Variants in MYOM2 observed in about 807,000 individuals in gnomAD.
MYOM2 encodes the protein myomesin 2, also known as myomesin-2.
MYOM2 carries 254 observed loss-of-function variants against 187.6 expected under a neutral mutation model. The observed-to-expected ratio is 1.35, with a 90% CI of 1.22 to 1.50. MYOM2 has a LOEUF of 1.50. Among genes scored for constraint, MYOM2 ranks in the 40% most tolerant of loss-of-function variants. MYOM2 has a pLI of 0.00. For synonymous variants in MYOM2, 981 were observed against 753.8 expected (o/e 1.30, Z -4.94); for missense variants, 2,796 against 1,924.0 (o/e 1.45, Z -8.48).
At chr8:2,077,287 C>A (rs1204282177) in intron 11 of MYOM2, among the ~76,000 whole-genome samples, 1 of 151,352 alleles carries the variant, frequency 6.6e-6, no homozygotes, top group East Asian at 1.9e-4. Flanking sequence ...TCCAGCCTGG[C>A]AACACAGTGA....
At position 2,123,390 on chromosome 8, in the gene MYOM2, A is replaced by ACG. The variant is rs10656435; in HGVS notation, c.3567+25_3567+26insCG. On this transcript the variant is annotated intron_variant, in intron 29 of 36. Transcript: ENST00000262113. ...GGTATCAGGCATTGAGTAACACAAG[A>ACG]AAGCAAAACAAAAACGGCACTTTCA... 1.7e-3 allele frequency: 2,633 copies of ACG among 1,560,524 alleles called. 39 individuals carry two copies. The African/African-American group carries it at 0.03, about 18-fold the overall frequency.
chr8:2,072,549 G>A (rs767606572), intron 9 of MYOM2, 40 bp downstream of exon 9: 65 of 1,590,100 alleles, frequency 4.1e-5, no homozygotes, highest in Non-Finnish European at 5.2e-5. Context: ...CACACCAGGA[G>A]GCTTTTGGAC....
rs1415504134 is a variant in MYOM2, at chr8:2,086,241, G to A, written c.1644+851G>A. Among the ~76,000 whole-genome samples, 35 of 57,854 alleles carry A rather than the reference G, an allele frequency of 6.0e-4. 10 individuals carry two copies. In the East Asian group the frequency reaches 8.3e-3, roughly 14 times the overall value. The allele number at this position is 57,854 out of a possible 152,430, so 38.0% of individuals were successfully genotyped here. On this transcript the variant is annotated intron_variant, in intron 14 of 36. Transcript: ENST00000262113. Reference sequence around the variant, plus strand: ...GATCTCTTTGTGGCCCCCCACTGTTGTGATCTTTGCGTGGCCCCACTGTCA... The same window carrying A: ...GATCTCTTTGTGGCCCCCCACTGTTATGATCTTTGCGTGGCCCCACTGTCA...
chr8:2,094,222 T>C (rs1202390492), intron 17 of MYOM2, 131 bp downstream of exon 17: 1 of 1,179,806 alleles, frequency 8.5e-7, no homozygotes, highest in Non-Finnish European at 1.2e-6. Context: ...AACAGAGAAC[T>C]TGAGTTTCTT....
chr8:2,129,011 C>T, intron 31 of MYOM2, 116 bp from the exon 32 acceptor site: 2 of 646,088 alleles, frequency 3.1e-6, no homozygotes, highest in South Asian at 3.8e-5. Context: ...TTATGAGAGA[C>T]ACAAGTGAGA....
At chr8:2,132,825 C>T (rs1447835412) in intron 32 of MYOM2, among the ~76,000 whole-genome samples, 1 of 152,202 alleles carries the variant, frequency 6.6e-6, no homozygotes, top group African/African-American at 2.4e-5. Context: ...TTTGTAAATG[C>T]TCTCCTAAAA....
rs750971643 is a variant in MYOM2, at chr8:2,073,447, G to A, written c.1067G>A (p.Arg356His). ...HKDDEGLYTL[R>H]IVSRGGVSDH... ...GACGACGAGGGCCTGTACACCCTGC[G>A]CATCGTGTCTCGGGGCGGCGTCAGC... Residue 356 changes from arginine to histidine, a missense_variant, in exon 10 of 37, where the codon CGC (arginine) becomes CAC (histidine). Physicochemically the swap from Arg to His is conservative, Grantham distance 29. Transcript: ENST00000262113. The A allele has an allele frequency of 1.7e-5, 28 of 1,611,578 alleles. No individual in the cohort carries two copies. The highest frequency in any genetic ancestry group is 1.0e-4 in the Admixed American group (6 of 59,910).
intron 14 of MYOM2, among the ~76,000 whole-genome samples, chr8:2,087,098 T>TTG (rs1360906580): frequency 6.6e-6 from 1 of 152,180 alleles, no homozygotes; most frequent in Admixed American, 6.5e-5. Flanking sequence ...AAGGCACAGG[T>TTG]TGTGACCCAC....
chr8:2,048,242 G>T (rs1818371820), intron 1 of MYOM2, among the ~76,000 whole-genome samples: 1 of 152,238 alleles, frequency 6.6e-6, no homozygotes, highest in Non-Finnish European at 1.5e-5. Context: ...TCGTCAGGCT[G>T]ATCCCAGAAG....
At position 2,093,857 on chromosome 8, in the gene MYOM2, T is replaced by G. The variant is rs998882862; in HGVS notation, c.2004-113T>G. The G allele has an allele frequency of 3.3e-6, 4 of 1,222,928 alleles. No homozygotes were observed. In the African/African-American group the frequency reaches 4.6e-5, roughly 14 times the overall value. The allele number at this position is 1,222,928 out of a possible 1,614,324, so 75.8% of individuals were successfully genotyped here. A position where few individuals can be genotyped will look rare whatever the true frequency, so the allele number is the denominator to read the frequency against. ...ATTAACTAGAATTGAAAATGAAGGA[T>G]GTATGTTATCCATAAAAATTTTTTA... is the stretch of plus-strand genomic sequence containing the variant. On this transcript the variant is annotated intron_variant, in intron 16 of 36. Transcript: ENST00000262113.
In MYOM2 at chr8:2,129,134, T is replaced by A. The variant is rs1452986472; in HGVS notation, c.3702T>A (p.Ser1234=). The part of the protein sequence containing the change: ...ILAMSRVCGK[S]ASPLKVLCTP... The stretch of plus-strand genomic sequence containing the variant: ...ATGTTTTATTTTCTGCAGGGAAATC[T>A]GCTTCGCCACTGAAGGTACTCTGCA... Residue 1234 remains serine (S), a synonymous_variant, in exon 32 of 37, where the codon TCT becomes TCA. Coordinates refer to ENST00000262113, the MANE Select transcript of MYOM2 (RefSeq NM_003970.4). The A allele has an allele frequency of 1.2e-6, 2 of 1,602,174 alleles. No homozygotes were observed. Among genetic ancestry groups the A allele is most frequent in the Non-Finnish European group, 1.7e-6 (2 of 1,170,130 alleles).
chr8:2,110,534 A>C (rs554137943), intron 25 of MYOM2, among the ~76,000 whole-genome samples: 13 of 152,248 alleles, frequency 8.5e-5, no homozygotes, highest in African/African-American at 3.1e-4. Context: ...GCCCTATTTC[A>C]TGGGGACTTT....
intron 32 of MYOM2, among the ~76,000 whole-genome samples, chr8:2,130,315 CCCTCACTA>C (rs1307148201): frequency 0.11 from 15,475 of 144,756 alleles, 2,465 homozygotes; most frequent in African/African-American, 0.25. Context: ...TAGTTAACGC[CCCTCACTA>C]CGCTATACCC....
intron 13 of MYOM2, chr8:2,085,050 A>G: frequency 1.7e-6 from 1 of 583,326 alleles, no homozygotes; most frequent in Non-Finnish European, 3.0e-6. Context: ...GAACAGGCTT[A>G]TATCTGTATT....
chr8:2,136,066 A>T (rs6558609), intron 32 of MYOM2, among the ~76,000 whole-genome samples: 57,255 of 152,108 alleles, frequency 0.38, 11,020 homozygotes, highest in Non-Finnish European at 0.43. Context: ...ATGTTCTGTG[A>T]GTGGCTTTGT....
chr8:2,135,944 G>A (rs1286856432), intron 32 of MYOM2, among the ~76,000 whole-genome samples: 1 of 152,036 alleles, frequency 6.6e-6, no homozygotes, highest in Non-Finnish European at 1.5e-5. Context: ...GTGAGACCCT[G>A]AAGCTGGGAG....
chr8:2,114,302 G>T (rs575651747), intron 25 of MYOM2, among the ~76,000 whole-genome samples: 11 of 152,328 alleles, frequency 7.2e-5, no homozygotes, highest in African/African-American at 2.6e-4. Flanking sequence ...CTGTGATACA[G>T]TGTAACCTAG....
chr8:2,081,073 A>G (rs75206514), intron 13 of MYOM2, among the ~76,000 whole-genome samples: 1,484 of 54,298 alleles, frequency 0.027, no homozygotes, highest in East Asian at 0.038. Context: ...TTTGGTTCTG[A>G]TCTGCGGGAG....
intron 9 of MYOM2, among the ~76,000 whole-genome samples, chr8:2,073,046 C>T (rs948093174): frequency 5.3e-5 from 8 of 152,190 alleles, no homozygotes; most frequent in East Asian, 1.9e-4. Flanking sequence ...AGAGAAGCAG[C>T]GGGCCCCCAG....
Sources: gnomAD v4.1 joint callset for allele counts (sites outside exome capture counted in the v4.1 genomes callset) on GRCh38, gnomAD v4.1.1 for gene constraint, MANE v1.5 for transcripts, NCBI Gene and HGNC (gene_info 2026-07-23, HGNC 2026-07-21) for gene names.